Variants in SEMA3A observed in about 807,000 individuals in gnomAD.
SEMA3A encodes the protein semaphorin 3A.
SEMA3A carries 29 observed loss-of-function variants against 97.9 expected under a neutral mutation model. That is an observed-to-expected ratio of 0.30 (90% CI 0.22 to 0.40). The LOEUF (loss-of-function observed/expected upper bound fraction) is 0.40, where lower values mean the gene tolerates loss of function less well. Among genes scored for constraint, SEMA3A ranks in the 10% least tolerant of loss-of-function variants. The probability of loss-of-function intolerance (pLI) is 1.00; values close to 1 mark genes in which losing one functional copy is unlikely to be tolerated. For synonymous variants in SEMA3A, 321 were observed against 323.7 expected (o/e 0.99, Z 0.09); for missense variants, 763 against 951.3 (o/e 0.80, Z 2.60).
chr7:84,210,156 T>C (rs964737835), intron 3 of SEMA3A, among the ~76,000 whole-genome samples: 43 of 151,976 alleles, frequency 2.8e-4, no homozygotes, highest in African/African-American at 9.4e-4. Flanking sequence ...CACTAAAGTA[T>C]TTTTTTTGTG....
intron 15 of SEMA3A, among the ~76,000 whole-genome samples, chr7:83,973,904 G>GTTTT (rs5885388): frequency 5.3e-4 from 77 of 146,652 alleles, no homozygotes; most frequent in South Asian, 2.6e-3. Context: ...TGATGGTGTA[G>GTTTT]TTTTTTTTTT....
chr7:84,298,285 T>G (rs1800917994), intron 3 of SEMA3A, among the ~76,000 whole-genome samples: 1 of 152,136 alleles, frequency 6.6e-6, no homozygotes, highest in Admixed American at 6.6e-5. Context: ...TAATATGAAT[T>G]CTAATGAAAC....
intron 3 of SEMA3A, among the ~76,000 whole-genome samples, chr7:84,237,070 G>A (rs1344418247): frequency 1.3e-5 from 2 of 151,890 alleles, no homozygotes; most frequent in Admixed American, 6.6e-5. Context: ...TAAATAAATC[G>A]GGAAAAGCAA....
chr7:84,019,137 T>C (rs115807388), intron 6 of SEMA3A, among the ~76,000 whole-genome samples: 1 of 151,888 alleles, frequency 6.6e-6, no homozygotes, highest in South Asian at 2.1e-4. Context: ...ATGTAAGAAA[T>C]AGTGAGAAAA....
chr7:84,434,291 C>G (rs1922346), intron 1 of SEMA3A, among the ~76,000 whole-genome samples: 16,955 of 148,064 alleles, frequency 0.11, 1,168 homozygotes, highest in East Asian at 0.28. Flanking sequence ...GAAACACACA[C>G]GAACTCCTAA....
intron 12 of SEMA3A, among the ~76,000 whole-genome samples, chr7:83,991,910 T>C (rs1004028829): frequency 1.4e-5 from 2 of 148,072 alleles, no homozygotes; most frequent in Non-Finnish European, 3.0e-5. Context: ...AGTTCCTCCT[T>C]GTACCTCTGT....
intron 4 of SEMA3A, among the ~76,000 whole-genome samples, chr7:84,106,206 G>C (rs1162936044): frequency 2.6e-5 from 4 of 152,136 alleles, no homozygotes; most frequent in Non-Finnish European, 5.9e-5. Flanking sequence ...CATGTAGGAT[G>C]GTAGGCCCCT....
intron 3 of SEMA3A, among the ~76,000 whole-genome samples, chr7:84,278,435 C>T (rs115280830): frequency 0.033 from 4,973 of 152,246 alleles, 96 homozygotes; most frequent in South Asian, 0.046. Flanking sequence ...GCTGCTTTCA[C>T]ATTTTCAGGT....
intron 1 of SEMA3A, among the ~76,000 whole-genome samples, chr7:84,144,802 A>C (rs1050393492): frequency 6.6e-6 from 1 of 152,176 alleles, no homozygotes; most frequent in African/African-American, 2.4e-5. Context: ...ACTTCTTAAT[A>C]ATGAAATTCA....
At chr7:84,016,211 ATG>A (rs34637124) in intron 6 of SEMA3A, among the ~76,000 whole-genome samples, 38,583 of 151,856 alleles carry the variant, frequency 0.25, 5,745 homozygotes, top group East Asian at 0.42. Context: ...GGCTCCAGAA[ATG>A]TGTGTGTGTA....
chr7:84,094,466 G>A (rs1394122363), intron 4 of SEMA3A, among the ~76,000 whole-genome samples: 1 of 151,772 alleles, frequency 6.6e-6, no homozygotes, highest in Non-Finnish European at 1.5e-5. Flanking sequence ...CAAGGTTAAG[G>A]CTCCGCTGGC....
intron 2 of SEMA3A, among the ~76,000 whole-genome samples, chr7:84,364,550 C>T (rs1338004141): frequency 1.3e-5 from 2 of 151,466 alleles, no homozygotes; most frequent in Non-Finnish European, 3.0e-5. Flanking sequence ...TGTTATATTG[C>T]ACAATAAACT....
chr7:84,217,058 C>G (rs1020408581), intron 3 of SEMA3A, among the ~76,000 whole-genome samples: 11 of 152,160 alleles, frequency 7.2e-5, no homozygotes, highest in South Asian at 4.1e-4. Flanking sequence ...CACAAACTGT[C>G]ACATGGAGCA....
At chr7:83,967,493 G>T (rs1351013314) in intron 15 of SEMA3A, among the ~76,000 whole-genome samples, 2 of 152,102 alleles carry the variant, frequency 1.3e-5, no homozygotes, top group Non-Finnish European at 2.9e-5. Flanking sequence ...GGTGGCTCAC[G>T]CCTGTAATCC....
At chr7:84,287,665 T>C (rs1800624956) in intron 3 of SEMA3A, among the ~76,000 whole-genome samples, 1 of 152,178 alleles carries the variant, frequency 6.6e-6, no homozygotes, top group Non-Finnish European at 1.5e-5. Flanking sequence ...ATTATGTGTA[T>C]TACTTGGAGG....
At chr7:84,180,235 C>G (rs902945184) in intron 1 of SEMA3A, among the ~76,000 whole-genome samples, 3 of 151,714 alleles carry the variant, frequency 2.0e-5, no homozygotes, top group African/African-American at 7.3e-5. Context: ...CATGAGCCAC[C>G]GTGCCCGGCC....
At chr7:84,290,193 A>G (rs1315430157) in intron 3 of SEMA3A, among the ~76,000 whole-genome samples, 1 of 152,050 alleles carries the variant, frequency 6.6e-6, no homozygotes, top group Non-Finnish European at 1.5e-5. Context: ...CACCTTGTAA[A>G]TGTACATGGC....
At chr7:84,164,182 A>C (rs1038483020) in intron 1 of SEMA3A, among the ~76,000 whole-genome samples, 1 of 152,172 alleles carries the variant, frequency 6.6e-6, no homozygotes, top group Non-Finnish European at 1.5e-5. Flanking sequence ...TTCATCATAA[A>C]ACCAAAGGTA....
intron 4 of SEMA3A, among the ~76,000 whole-genome samples, chr7:84,065,056 T>G (rs1468054757): frequency 6.7e-6 from 1 of 148,864 alleles, no homozygotes; most frequent in Non-Finnish European, 1.5e-5. Context: ...GAACAGAAAT[T>G]ATAACAAACT....
Sources: gnomAD v4.1 joint callset for allele counts (sites outside exome capture counted in the v4.1 genomes callset) on GRCh38, gnomAD v4.1.1 for gene constraint, MANE v1.5 for transcripts, NCBI Gene and HGNC (gene_info 2026-07-23, HGNC 2026-07-21) for gene names.